The following AGO3 variants were observed in gnomAD, a reference collection of about 807,000 sequenced individuals.
AGO3 encodes argonaute RISC catalytic component 3.
In AGO3, 16 loss-of-function variants were observed where a neutral mutation model predicts 105.5. That is an observed-to-expected ratio of 0.15 (90% CI 0.10 to 0.23). AGO3 has a LOEUF of 0.23. AGO3 is among the 10% of genes least tolerant of loss of function. The pLI, the probability that AGO3 is intolerant of heterozygous loss-of-function variation, is 1.00. For missense variants in AGO3, 534 were observed against 1,088.0 expected (o/e 0.49, Z 7.16); for synonymous variants, 340 against 367.3 (o/e 0.93, Z 0.85).
intron 5 of AGO3, among the ~76,000 whole-genome samples, chr1:35,977,427 C>G (rs1646974152): frequency 1.5e-5 from 2 of 137,326 alleles, no homozygotes; most frequent in East Asian, 2.1e-4. Flanking sequence ...GGGTCTTGCT[C>G]TGTCACCCAG....
rs1409699986 is a variant in AGO3, at chr1:36,070,457, G to C, written c.*14712G>C. 1 of 152,162 alleles carries C rather than the reference G, an allele frequency of 6.6e-6. No homozygotes were observed. The highest frequency in any genetic ancestry group is 1.5e-5 in the Non-Finnish European group (1 of 68,038). 9.4% of individuals were successfully genotyped at this position (152,162 alleles called of 1,614,324 possible). On this transcript the variant is annotated 3_prime_UTR_variant, in exon 19 of 19. Transcript: ENST00000373191. ...TTCAACAGGCTTATGCATTTCCATG[G>C]GGGGAAGAGATTCTGTTTCTAGGAA...
At chr1:35,990,689 CATTTCTAGTAAATAAAA>C (rs1228766201) in intron 5 of AGO3, among the ~76,000 whole-genome samples, 1 of 152,066 alleles carries the variant, frequency 6.6e-6, no homozygotes, top group African/African-American at 2.4e-5. Context: ...GCAAGGAAAA[CATTTCTAGTAAATAAAA>C]ATTTCTAGTA....
At chr1:35,956,789 G>A (rs956239347) in intron 2 of AGO3, among the ~76,000 whole-genome samples, 3 of 151,820 alleles carry the variant, frequency 2.0e-5, no homozygotes, top group African/African-American at 7.3e-5. Context: ...GGGACTACAG[G>A]TGCATGCCAC....
intron 5 of AGO3, among the ~76,000 whole-genome samples, chr1:35,982,314 CAG>C (rs778135807): frequency 2.4e-4 from 36 of 152,160 alleles, no homozygotes; most frequent in Non-Finnish European, 4.4e-4. Context: ...AAAGAAATCA[CAG>C]AGAAAATTTT....
rs78583059 is a variant in AGO3, at chr1:35,955,313, A to G, written c.191+9450A>G. Among the ~76,000 whole-genome samples the G allele has an allele frequency of 6.7e-3, 1,020 of 152,312 alleles. 8 individuals carry two copies. Among genetic ancestry groups the G allele is most frequent in the African/African-American group, 0.023 (968 of 41,574 alleles). On this transcript the variant is annotated intron_variant, in intron 2 of 18. Coordinates refer to ENST00000373191, the MANE Select transcript of AGO3 (RefSeq NM_024852.4). ...TTCAAACCATTGATCACACGTCCCC[A>G]TTAATTAAAATTTGTTTGACCAAAA...
At chr1:36,030,168 G>A (rs1199789731) in intron 12 of AGO3, among the ~76,000 whole-genome samples, 2 of 151,986 alleles carry the variant, frequency 1.3e-5, no homozygotes, top group Admixed American at 6.6e-5. Context: ...TAAAAACAAA[G>A]CAAGTAAATA....
Position 35,990,763 on chromosome 1 carries a change from GCTTA to G in AGO3, c.659-13574_659-13571del, listed in dbSNP as rs1434548056. Reference sequence around the variant, plus strand: ...ATTTATTAATCACAGTATTAGTGTTGCTTACTTCATGTATTTGTCTTGAGTTCAG... The same window carrying G: ...ATTTATTAATCACAGTATTAGTGTTGCTTCATGTATTTGTCTTGAGTTCAG... On this transcript the variant is annotated intron_variant, in intron 5 of 18. Transcript: ENST00000373191. Among the ~76,000 whole-genome samples the G allele has an allele frequency of 4.6e-5, 7 of 152,120 alleles. No homozygotes were observed. The East Asian group carries it at 7.7e-4, about 17-fold the overall frequency.
intron 15 of AGO3, 74 bp from the exon 16 acceptor site, chr1:36,040,233 A>G: frequency 1.4e-6 from 2 of 1,473,776 alleles, no homozygotes; most frequent in East Asian, 2.3e-5. Flanking sequence ...CTGAGATTAA[A>G]TCATTATCCT....
intron 5 of AGO3, 80 bp from the exon 6 acceptor site, chr1:36,004,261 A>G (rs774143519): frequency 7.1e-6 from 10 of 1,417,202 alleles, no homozygotes; most frequent in Non-Finnish European, 9.6e-6. Context: ...CCCTATAGAT[A>G]GTTATCCTGG....
chr1:36,010,961 G>A (rs996058391), intron 9 of AGO3, among the ~76,000 whole-genome samples: 1 of 151,510 alleles, frequency 6.6e-6, no homozygotes, highest in East Asian at 1.9e-4. Flanking sequence ...AAGAGAAAAA[G>A]AGAGAGAAAG....
Position 36,055,932 on chromosome 1 carries a change from CATT to C in AGO3, c.*190_*192del. On this transcript the variant is annotated 3_prime_UTR_variant, in exon 19 of 19. Transcript: ENST00000373191. This position sits in a 1 kb window ranked among gnomAD's most constrained non-coding sequence, Gnocchi z 4.4. ...TTTACTTCATCAAGGAACACAGCAT[CATT>C]ATGCAATATGAAACCAGCCAACTGC... 9.2e-6 allele frequency: 5 copies of C among 541,108 alleles called. No homozygotes were observed. Among genetic ancestry groups the C allele is most frequent in the Non-Finnish European group, 1.6e-5 (5 of 307,960 alleles). 33.5% of individuals were successfully genotyped at this position (541,108 alleles called of 1,614,324 possible).
At chr1:35,982,425 G>GA (rs1245658145) in intron 5 of AGO3, among the ~76,000 whole-genome samples, 2 of 151,720 alleles carry the variant, frequency 1.3e-5, no homozygotes, top group African/African-American at 2.4e-5. Context: ...GATTTTAAAA[G>GA]AAAAAAGCAT....
At chr1:35,950,219 C>CAA (rs879608583) in intron 2 of AGO3, among the ~76,000 whole-genome samples, 8 of 125,330 alleles carry the variant, frequency 6.4e-5, no homozygotes, top group African/African-American at 8.9e-5. Flanking sequence ...GACTCCGTCT[C>CAA]AAAAAAAAAA....
chr1:36,052,482 A>G (rs1260316550), intron 17 of AGO3, among the ~76,000 whole-genome samples: 5 of 152,224 alleles, frequency 3.3e-5, no homozygotes, highest in African/African-American at 1.2e-4. Context: ...CTAATATTCT[A>G]TAGCACTATA....
intron 4 of AGO3, among the ~76,000 whole-genome samples, chr1:35,972,856 ATTTTTTT>A (rs1165696072): frequency 6.5e-5 from 8 of 122,894 alleles, no homozygotes; most frequent in East Asian, 5.6e-4. Context: ...TTAAAAAAAA[ATTTTTTT>A]TTTTTTTTTT....
intron 17 of AGO3, among the ~76,000 whole-genome samples, chr1:36,047,239 G>A (rs1429006714): frequency 1.3e-5 from 2 of 151,542 alleles, no homozygotes; most frequent in Admixed American, 6.6e-5. Flanking sequence ...GCGAAACTCT[G>A]CCTAAAAAAA....
chr1:35,957,758 A>G (rs1292514721), intron 2 of AGO3, among the ~76,000 whole-genome samples: 3 of 152,060 alleles, frequency 2.0e-5, no homozygotes, highest in African/African-American at 7.2e-5. Context: ...TCGATTTTAT[A>G]TTACAAATTA....
At position 36,024,959 on chromosome 1, in the gene AGO3, A is replaced by G. The variant is rs146734148; in HGVS notation, c.1407-2155A>G. Among the ~76,000 whole-genome samples, 12 of 152,006 alleles carry G rather than the reference A, an allele frequency of 7.9e-5. No homozygotes were observed. In the East Asian group the frequency reaches 1.9e-3, roughly 24 times the overall value. ...CCTTTACTGAGAATGCCTCCTTCCT[A>G]TCTCTACCCATCAGTATCCTCTCTA... is the stretch of plus-strand genomic sequence containing the variant. On this transcript the variant is annotated intron_variant, in intron 11 of 18. Transcript: ENST00000373191.
chr1:36,039,985 G>A lies in AGO3; in HGVS notation c.2037+1G>A, dbSNP rs1642180007. 1 of 1,609,274 alleles carries A rather than the reference G, an allele frequency of 6.2e-7. No homozygotes were observed. The highest frequency in any genetic ancestry group is 1.7e-5 in the Admixed American group (1 of 59,474). On this transcript the variant is annotated splice_donor_variant, in intron 15 of 18. Transcript: ENST00000373191. LOFTEE classifies it high-confidence loss of function. ...TGTTTCAGAGGGGCAGTTTAGGCAG[G>A]TTGGTTACCTAGAATCTCATCAGAC...
Sources: gnomAD v4.1 joint callset for allele counts (sites outside exome capture counted in the v4.1 genomes callset) on GRCh38, gnomAD v4.1.1 for gene constraint, Gnocchi (gnomAD v3.1) non-coding constraint, MANE v1.5 for transcripts, NCBI Gene and HGNC (gene_info 2026-07-23, HGNC 2026-07-21) for gene names.